Variants in ADCY2 observed in about 807,000 individuals in gnomAD.
ADCY2 encodes adenylate cyclase type 2.
Under a neutral mutation model 125.2 loss-of-function variants are expected in ADCY2, and 31 were observed. The observed-to-expected ratio is 0.25, with a 90% CI of 0.19 to 0.33. ADCY2 has a LOEUF of 0.33. ADCY2 is among the 10% of genes least tolerant of loss of function. The pLI, the probability that ADCY2 is intolerant of heterozygous loss-of-function variation, is 1.00. For missense variants in ADCY2, 904 were observed against 1,418.2 expected, an observed-to-expected ratio of 0.64 and a Z score of 5.82; for synonymous variants, 512 against 548.4, an observed-to-expected ratio of 0.93 and a Z score of 0.93.
chr5:7,707,827 A>G lies in ADCY2; in HGVS notation c.1390A>G (p.Ile464Val). Reference protein sequence around the residue: ...KQHLVKTYFVINPKGERRSPQ... With the variant: ...KQHLVKTYFVVNPKGERRSPQ... Reference sequence around the variant, plus strand: ...GCACCTGGTGAAAACCTACTTTGTGATCAACCCCAAGGTCAGTATCATTGT... The same window carrying G: ...GCACCTGGTGAAAACCTACTTTGTGGTCAACCCCAAGGTCAGTATCATTGT... Residue 464 changes from isoleucine (I) to valine (V), a missense_variant, in exon 9 of 25, where the codon ATC (isoleucine) becomes GTC (valine). Ile to Val is a conservative substitution (Grantham distance 29). This residue lies in a region of ADCY2 where 144 missense variants were observed against 227.7 expected (regional missense o/e 0.63). Coordinates refer to ENST00000338316, the MANE Select transcript of ADCY2 (RefSeq NM_020546.3). 6.2e-7 allele frequency: 1 copy of G among 1,614,130 alleles called. No individual in the cohort carries two copies. Among genetic ancestry groups the G allele is most frequent in the Non-Finnish European group, 8.5e-7 (1 of 1,180,014 alleles).
At chr5:7,476,453 C>G (rs968226462) in intron 2 of ADCY2, among the ~76,000 whole-genome samples, 1 of 152,082 alleles carries the variant, frequency 6.6e-6, no homozygotes, top group African/African-American at 2.4e-5. Flanking sequence ...CAACAGAGCC[C>G]GAAACTCCTC....
At chr5:7,690,596 G>C in intron 4 of ADCY2, 95 bp from the exon 5 acceptor site, 1 of 1,143,728 alleles carries the variant, frequency 8.7e-7, no homozygotes, top group Non-Finnish European at 1.1e-6. Flanking sequence ...TTCCCAAACT[G>C]GCCTTCCTAC....
At chr5:7,478,965 C>T (rs1373858008) in intron 2 of ADCY2, among the ~76,000 whole-genome samples, 1 of 152,042 alleles carries the variant, frequency 6.6e-6, no homozygotes, top group Non-Finnish European at 1.5e-5. Flanking sequence ...TTAATAAGCT[C>T]TTATAGAATT....
chr5:7,536,585 C>A (rs1734821034), intron 3 of ADCY2, among the ~76,000 whole-genome samples: 1 of 152,182 alleles, frequency 6.6e-6, no homozygotes, highest in African/African-American at 2.4e-5. Context: ...TATATCATTG[C>A]AAATTAGTTT....
intron 3 of ADCY2, among the ~76,000 whole-genome samples, chr5:7,602,226 T>G (rs1469715633): frequency 6.6e-6 from 1 of 152,228 alleles, no homozygotes; most frequent in Non-Finnish European, 1.5e-5. Flanking sequence ...TGGACATAAT[T>G]TTTGGTGGAA....
At chr5:7,540,854 G>T (rs1350608764) in intron 3 of ADCY2, among the ~76,000 whole-genome samples, 1 of 152,186 alleles carries the variant, frequency 6.6e-6, no homozygotes, top group Non-Finnish European at 1.5e-5. Flanking sequence ...GATTCAGGGG[G>T]TGGGAGCAAG....
chr5:7,741,221 CAT>C (rs928062732), intron 14 of ADCY2, among the ~76,000 whole-genome samples: 1 of 152,046 alleles, frequency 6.6e-6, no homozygotes, highest in Non-Finnish European at 1.5e-5. Flanking sequence ...AGAAATGTGA[CAT>C]GTCTATTTCT....
At chr5:7,466,819 G>C (rs1039428239) in intron 2 of ADCY2, among the ~76,000 whole-genome samples, 1 of 152,190 alleles carries the variant, frequency 6.6e-6, no homozygotes, top group Admixed American at 6.5e-5. Context: ...CCATGCTTTT[G>C]TGTGCCCGAC....
intron 13 of ADCY2, 92 bp from the exon 14 acceptor site, chr5:7,727,072 G>A: frequency 1.1e-6 from 1 of 883,172 alleles, no homozygotes; most frequent in Admixed American, 2.3e-5. Context: ...TCTGAGTGTG[G>A]TGCATGCTCT....
intron 4 of ADCY2, among the ~76,000 whole-genome samples, chr5:7,675,678 A>T (rs1199828763): frequency 6.6e-6 from 1 of 152,244 alleles, no homozygotes; most frequent in Admixed American, 6.5e-5. Flanking sequence ...AAGGAGAAGT[A>T]GTAACAAAAC....
chr5:7,558,178 C>G (rs10061438), intron 3 of ADCY2, among the ~76,000 whole-genome samples: 56,293 of 151,756 alleles, frequency 0.37, 11,160 homozygotes, highest in African/African-American at 0.42. Flanking sequence ...TCAACCTCCA[C>G]AGTAGCTGGG....
intron 22 of ADCY2, among the ~76,000 whole-genome samples, chr5:7,812,216 A>G (rs1334405385): frequency 1.3e-5 from 2 of 152,198 alleles, no homozygotes; most frequent in African/African-American, 2.4e-5. Context: ...GTGGAAATGA[A>G]AAGCAAAAAA....
chr5:7,769,888 A>G (rs1485084957), intron 17 of ADCY2, among the ~76,000 whole-genome samples: 1 of 152,236 alleles, frequency 6.6e-6, no homozygotes, highest in African/African-American at 2.4e-5. Context: ...CATTACTAGC[A>G]ATCAGGTTAC....
chr5:7,443,639 CAAAAAAAA>C (rs56089574), intron 2 of ADCY2, among the ~76,000 whole-genome samples: 3 of 51,198 alleles, frequency 5.9e-5, no homozygotes, highest in African/African-American at 1.8e-4. Context: ...GACTCTGTCT[CAAAAAAAA>C]AAAAAAAAAA....
At chr5:7,778,816 A>G (rs930563018) in intron 18 of ADCY2, among the ~76,000 whole-genome samples, 4 of 152,248 alleles carry the variant, frequency 2.6e-5, no homozygotes, top group African/African-American at 9.6e-5. Flanking sequence ...AGGAAAAACA[A>G]GAAAACCTAT....
chr5:7,528,067 C>T (rs560391236), intron 3 of ADCY2, among the ~76,000 whole-genome samples: 1 of 152,212 alleles, frequency 6.6e-6, no homozygotes, highest in South Asian at 2.1e-4. Context: ...GAGTAGAATC[C>T]ATCTCTTAGG....
At chr5:7,815,958 G>C (rs1300562969) in intron 22 of ADCY2, among the ~76,000 whole-genome samples, 1 of 152,212 alleles carries the variant, frequency 6.6e-6, no homozygotes, top group African/African-American at 2.4e-5. Context: ...TTCTCCCCCT[G>C]TCGGGCCTCT....
At chr5:7,742,062 C>T (rs1742452741) in intron 14 of ADCY2, among the ~76,000 whole-genome samples, 1 of 148,928 alleles carries the variant, frequency 6.7e-6, no homozygotes, top group Admixed American at 6.7e-5. Context: ...AATGTTGTTT[C>T]TAAACTCAGC....
chr5:7,804,332 T>C (rs1190237071), intron 21 of ADCY2, among the ~76,000 whole-genome samples: 1 of 152,238 alleles, frequency 6.6e-6, no homozygotes, highest in Non-Finnish European at 1.5e-5. Flanking sequence ...GTTCCTTCAC[T>C]AGCAAAGTTT....
Sources: allele counts gnomAD v4.1 joint callset (sites outside exome capture counted in the v4.1 genomes callset), GRCh38; gene constraint gnomAD v4.1.1; regional missense constraint gnomAD v4.1.1; transcripts MANE v1.5; gene names NCBI Gene and HGNC (gene_info 2026-07-23, HGNC 2026-07-21).